ARMH1: variants seen among roughly 807,000 people sequenced by gnomAD.
ARMH1 encodes the protein armadillo like helical domain containing 1.
Under a neutral mutation model 50.2 loss-of-function variants are expected in ARMH1, and 34 were observed. The observed-to-expected ratio is 0.68, with a 90% CI of 0.51 to 0.90. ARMH1 has a LOEUF of 0.90. Among genes scored for constraint, ARMH1 ranks in the 40% least tolerant of loss-of-function variants. The pLI is 0.00. For synonymous variants in ARMH1, 221 were observed against 224.2 expected (o/e 0.99, Z 0.13); for missense variants, 538 against 553.9 (o/e 0.97, Z 0.29).
At chr1:44,710,477 TGG>T (rs1646556043) in intron 6 of ARMH1, among the ~76,000 whole-genome samples, 3 of 151,402 alleles carry the variant, frequency 2.0e-5, no homozygotes, top group Admixed American at 2.0e-4. Flanking sequence ...GGCGTGGTGG[TGG>T]GCGCCTGTAG....
intron 4 of ARMH1, among the ~76,000 whole-genome samples, chr1:44,698,770 A>G (rs1215231823): frequency 6.6e-6 from 1 of 151,346 alleles, no homozygotes; most frequent in Non-Finnish European, 1.5e-5. Flanking sequence ...TTGAGATCAC[A>G]CCATTGCACT....
At chr1:44,688,922 G>A (rs555108643) in intron 1 of ARMH1, among the ~76,000 whole-genome samples, 21 of 152,142 alleles carry the variant, frequency 1.4e-4, no homozygotes, top group African/African-American at 4.6e-4. Flanking sequence ...GTAAAAGCCC[G>A]AGGTACAAGG....
At position 44,725,440 on chromosome 1, in the gene ARMH1, G is replaced by A. The variant is rs1648156056; in HGVS notation, c.*37G>A. On this transcript the variant is annotated 3_prime_UTR_variant, in exon 12 of 12. Coordinates refer to ENST00000535358, the MANE Select transcript of ARMH1 (RefSeq NM_001145636.2). Reference sequence around the variant, plus strand: ...GCAAACCAGGAAGGCCAAGGCTGCGGGGCAGGGAAGCCTGGCAAGAGGAAG... The same window carrying A: ...GCAAACCAGGAAGGCCAAGGCTGCGAGGCAGGGAAGCCTGGCAAGAGGAAG... 1 of 1,546,794 alleles carries A rather than the reference G, an allele frequency of 6.5e-7. No homozygotes were observed. The highest frequency in any genetic ancestry group is 1.2e-5 in the South Asian group (1 of 83,902).
rs1342428560 is a variant in ARMH1 at position 44,725,384 on chromosome 1, A to T, written c.1304A>T (p.Asp435Val). 1 of 1,551,706 alleles carries T rather than the reference A, an allele frequency of 6.4e-7. No individual in the cohort carries two copies. The highest frequency in any genetic ancestry group is 2.4e-5 in the East Asian group (1 of 40,922). ...GCCTACCTCACACACTTCGAGGAGG[A>T]TGTAGAATCAAAGGAGTAACAGCCC... ...QMAYLTHFEE[D>V]VESKE Residue 435 changes from aspartate to valine, a missense_variant, in exon 12 of 12, where the codon GAT (aspartate) becomes GTT (valine). Coordinates refer to ENST00000535358, the MANE Select transcript of ARMH1 (RefSeq NM_001145636.2).
intron 4 of ARMH1, 116 bp downstream of exon 4, chr1:44,698,345 T>G: frequency 1.1e-6 from 1 of 892,578 alleles, no homozygotes; most frequent in South Asian, 2.9e-5. Context: ...GGAAGCTTTT[T>G]GTGCTCCTGT....
chr1:44,676,762 TC>T (rs1403509753), intron 1 of ARMH1, among the ~76,000 whole-genome samples: 1 of 152,170 alleles, frequency 6.6e-6, no homozygotes, highest in East Asian at 1.9e-4. Flanking sequence ...AAGTGAAGAT[TC>T]ATGTAAGATA....
chr1:44,689,781 G>T lies in ARMH1; in HGVS notation c.84G>T (p.Arg28Ser), dbSNP rs1391379543. 1.3e-6 allele frequency: 2 copies of T among 1,551,822 alleles called. No homozygotes were observed. Among genetic ancestry groups the T allele is most frequent in the African/African-American group, 2.7e-5 (2 of 73,012 alleles). ...GGGACAACGCTGGCAAAGTCGCAAG[G>T]AGTCACATCCTCGACAAGTTCATTG... ...QEWDNAGKVA[R>S]SHILDKFIET... The change falls in exon 2 of 12, where the codon AGG becomes AGT. Residue 28 changes from arginine to serine, a missense_variant. By Grantham distance (110) the Arg-to-Ser change is moderately radical. Coordinates refer to ENST00000535358, the MANE Select transcript of ARMH1 (RefSeq NM_001145636.2).
intron 6 of ARMH1, among the ~76,000 whole-genome samples, chr1:44,713,722 C>A (rs1265130219): frequency 6.6e-6 from 1 of 152,096 alleles, no homozygotes; most frequent in Non-Finnish European, 1.5e-5. Context: ...CCTGCCCTTG[C>A]CTTATACTGC....
intron 5 of ARMH1, 50 bp from the exon 6 acceptor site, chr1:44,704,039 T>TA (rs374584525): frequency 0.051 from 60,878 of 1,188,054 alleles, 1 homozygote; most frequent in Non-Finnish European, 0.057. Context: ...AATCCATCTT[T>TA]AAAAAAAAAA....
intron 2 of ARMH1, among the ~76,000 whole-genome samples, chr1:44,696,268 T>G (rs1239890103): frequency 6.6e-6 from 1 of 152,238 alleles, no homozygotes; most frequent in Non-Finnish European, 1.5e-5. Context: ...AGAGATAATT[T>G]GCTTCACACA....
chr1:44,692,725 T>G (rs1645698182), intron 2 of ARMH1, among the ~76,000 whole-genome samples: 1 of 152,032 alleles, frequency 6.6e-6, no homozygotes, highest in Non-Finnish European at 1.5e-5. Context: ...TACCCAAATG[T>G]TCTTTTTTTG....
rs1161869943 is a variant in ARMH1 at position 44,725,445 on chromosome 1, G to C, written c.*42G>C. The C allele has an allele frequency of 2.6e-6, 4 of 1,544,690 alleles. No individual in the cohort carries two copies. The highest frequency in any genetic ancestry group is 3.5e-6 in the Non-Finnish European group (4 of 1,140,964). ...CCAGGAAGGCCAAGGCTGCGGGGCA[G>C]GGAAGCCTGGCAAGAGGAAGGCGCC... On this transcript the variant is annotated 3_prime_UTR_variant, in exon 12 of 12. Transcript: ENST00000535358.
At chr1:44,685,002 C>T (rs757960869) in intron 1 of ARMH1, among the ~76,000 whole-genome samples, 13 of 151,966 alleles carry the variant, frequency 8.6e-5, no homozygotes, top group Non-Finnish European at 1.6e-4. Context: ...CTCCAGAGAC[C>T]CTGATATCTC....
chr1:44,679,330 T>C (rs1645234698), intron 1 of ARMH1, among the ~76,000 whole-genome samples: 1 of 152,256 alleles, frequency 6.6e-6, no homozygotes, highest in Admixed American at 6.5e-5. Flanking sequence ...AGCTGACTTT[T>C]ACTGCATGCT....
chr1:44,689,274 G>C (rs1425044300), intron 1 of ARMH1: 1 of 171,080 alleles, frequency 5.8e-6, no homozygotes, highest in African/African-American at 2.4e-5. Flanking sequence ...TGTCAGCCAG[G>C]TTGGTCTCAA....
rs1343114265 is a variant in ARMH1 at position 44,724,992 on chromosome 1, AC to A, written c.1129-141del. The A allele has an allele frequency of 6.7e-7, 1 of 1,502,026 alleles. No homozygotes were observed. Among genetic ancestry groups the A allele is most frequent in the African/African-American group, 1.4e-5 (1 of 71,844 alleles). The allele number at this position is 1,502,026 out of a possible 1,614,324, so 93.0% of individuals were successfully genotyped here. ...GGACTGCTCTGGCGTAGGCTCCTCC[AC>A]CCGCCACCTTCCTGTTCCCTTTCCT... On this transcript the variant is annotated intron_variant, in intron 10 of 11. Coordinates refer to ENST00000535358, the MANE Select transcript of ARMH1 (RefSeq NM_001145636.2). The surrounding 1 kb of genome is among the most constrained non-coding windows in gnomAD (Gnocchi z 6.4).
At chr1:44,699,923 G>A (rs1479700526) in intron 4 of ARMH1, among the ~76,000 whole-genome samples, 1 of 150,296 alleles carries the variant, frequency 6.7e-6, no homozygotes, top group Non-Finnish European at 1.5e-5. Flanking sequence ...TCCACCTCCC[G>A]GGTTCAAGCG....
At position 44,724,132 on chromosome 1, in the gene ARMH1, G is replaced by C. The variant is rs1287029745; in HGVS notation, c.735G>C (p.Leu245Phe). 1 of 1,551,650 alleles carries C rather than the reference G, an allele frequency of 6.4e-7. No homozygotes were observed. The highest frequency in any genetic ancestry group is 2.4e-5 in the East Asian group (1 of 40,904). The change falls in exon 7 of 12, where the codon TTG becomes TTC. Residue 245 changes from leucine (L) to phenylalanine (F), a missense_variant. Transcript: ENST00000535358. The surrounding 1 kb of genome is among the most constrained non-coding windows in gnomAD (Gnocchi z 6.4). ...HLEVQYEAIELIKDLVGYDVR... is the reference protein window; with the variant it reads ...HLEVQYEAIEFIKDLVGYDVR... ...TCTGCCCTTCCGCAGCCATCGAGTT[G>C]ATCAAAGACCTGGTCGGTTACGATG...
intron 5 of ARMH1, among the ~76,000 whole-genome samples, chr1:44,701,651 G>A (rs184564288): frequency 5.4e-4 from 82 of 152,270 alleles, no homozygotes; most frequent in Non-Finnish European, 8.2e-4. Flanking sequence ...CCATCAGACC[G>A]GGTGCAGTGG....
Sources: allele counts gnomAD v4.1 joint callset (sites outside exome capture counted in the v4.1 genomes callset), GRCh38; gene constraint gnomAD v4.1.1; non-coding constraint Gnocchi (gnomAD v3.1); transcripts MANE v1.5; gene names NCBI Gene and HGNC (gene_info 2026-07-23, HGNC 2026-07-21).